The following ZNF341 variants were observed in gnomAD, a reference collection of about 807,000 sequenced individuals.
The protein encoded by ZNF341 is zinc finger protein 341.
ZNF341 carries 52 observed loss-of-function variants against 87.7 expected under a neutral mutation model. That is an observed-to-expected ratio of 0.59 (90% CI 0.47 to 0.75). The LOEUF (loss-of-function observed/expected upper bound fraction) is 0.75. ZNF341 is among the 30% of genes least tolerant of loss of function. ZNF341 has a pLI of 0.00. For synonymous variants in ZNF341, 459 were observed against 472.7 expected, an observed-to-expected ratio of 0.97 and a Z score of 0.38; for missense variants, 977 against 1,145.9, an observed-to-expected ratio of 0.85 and a Z score of 2.13.
chr20:33,755,092 G>A (rs1475871783), intron 5 of ZNF341, among the ~76,000 whole-genome samples: 1 of 152,074 alleles, frequency 6.6e-6, no homozygotes, highest in African/African-American at 2.4e-5. Context: ...ACAGGTATGA[G>A]CTACCACGCC....
chr20:33,775,298 C>G (rs2019606299), intron 10 of ZNF341, among the ~76,000 whole-genome samples: 2 of 151,592 alleles, frequency 1.3e-5, no homozygotes, highest in South Asian at 4.2e-4. Context: ...CAACCTTCGC[C>G]TCCCAGGTTC....
chr20:33,750,894 G>A (rs1278129045), intron 4 of ZNF341, among the ~76,000 whole-genome samples: 1 of 152,116 alleles, frequency 6.6e-6, no homozygotes, highest in East Asian at 1.9e-4. Context: ...GCCCACCTTG[G>A]CCTCCCAAAG....
intron 8 of ZNF341, among the ~76,000 whole-genome samples, chr20:33,765,153 C>T (rs530957434): frequency 9.2e-5 from 14 of 152,102 alleles, no homozygotes; most frequent in African/African-American, 2.4e-4. Flanking sequence ...TCAGTAGCCA[C>T]GTGTGGCTCA....
chr20:33,764,567 T>A (rs1255921088), intron 8 of ZNF341, among the ~76,000 whole-genome samples: 108 of 69,484 alleles, frequency 1.6e-3, no homozygotes, highest in East Asian at 8.2e-3. Flanking sequence ...ATATATTTTT[T>A]TTTTTTTTTT....
intron 9 of ZNF341, 124 bp from the exon 10 acceptor site, chr20:33,769,960 G>A (rs141418652): frequency 1.5e-6 from 1 of 648,936 alleles, no homozygotes; most frequent in Non-Finnish European, 2.7e-6. Flanking sequence ...GTAGCAGCAG[G>A]GGGGCAGAGG....
At chr20:33,752,520 G>T (rs940502250) in intron 4 of ZNF341, 1 of 469,110 alleles carries the variant, frequency 2.1e-6, no homozygotes, top group South Asian at 1.9e-5. Context: ...TTTTCTTCTC[G>T]CCACCCTTCT....
rs2019947980 is a variant in ZNF341, at chr20:33,789,381, C to T, written c.1965-137C>T. 2.4e-5 allele frequency: 20 copies of T among 832,052 alleles called. 1 individual carries two copies. In the South Asian group the frequency reaches 2.9e-4, roughly 12 times the overall value. 51.5% of individuals were successfully genotyped at this position (832,052 alleles called of 1,614,324 possible). On this transcript the variant is annotated intron_variant, in intron 13 of 14. Transcript: ENST00000375200. ...TTTATCCTGTCCTGGGCCCTGCCTG[C>T]CTCACTTCCCACCCTACCTCCTTGC...
rs150747373 is a variant in ZNF341 at position 33,743,275 on chromosome 20, C to T, written c.143-1828C>T. ...TCGAACTCGTGACCCTCAGGTGATC[C>T]GCCTGCCTCAGCCTCACAAACTGCT... On this transcript the variant is annotated intron_variant, in intron 2 of 14. Transcript: ENST00000375200. Among the ~76,000 whole-genome samples, 473 of 150,818 alleles carry T rather than the reference C, an allele frequency of 3.1e-3. 3 individuals are homozygous for T. The highest frequency in any genetic ancestry group is 0.014 in the Middle Eastern group (4 of 282).
At chr20:33,789,420 TG>T in intron 13 of ZNF341, 97 bp from the exon 14 acceptor site, 1 of 1,264,100 alleles carries the variant, frequency 7.9e-7, no homozygotes, top group Non-Finnish European at 1.2e-6. Context: ...GCCCTTAGGG[TG>T]GACAAGGCTG....
In ZNF341 at chr20:33,767,848, G is replaced by A. The variant is rs114589927; in HGVS notation, c.1413+807G>A. Among the ~76,000 whole-genome samples the A allele has an allele frequency of 5.9e-3, 901 of 152,274 alleles. 10 individuals carry two copies. The highest frequency in any genetic ancestry group is 0.02 in the African/African-American group (841 of 41,562). On this transcript the variant is annotated intron_variant, in intron 9 of 14. Coordinates refer to ENST00000375200, the MANE Select transcript of ZNF341 (RefSeq NM_001282933.2). ...GGCAGCGTTGGGCTTATATAGAGCA[G>A]GTCAAATATGTCACCATAGACTCAG...
At chr20:33,749,157 G>A (rs1355730218) in intron 4 of ZNF341, 85 bp downstream of exon 4, 9 of 1,513,606 alleles carry the variant, frequency 5.9e-6, no homozygotes, top group Non-Finnish European at 6.2e-6. Flanking sequence ...TAGAATAAAG[G>A]GGGCCTGGCC....
chr20:33,776,634 CCTTGTTCTCCCA>C, intron 10 of ZNF341, among the ~76,000 whole-genome samples: 1 of 152,296 alleles, frequency 6.6e-6, no homozygotes, highest in African/African-American at 2.4e-5. Context: ...GGTCCACCTG[CCTTGTTCTCCCA>C]AAGGTCTGGG....
In ZNF341 at chr20:33,753,299, C is replaced by T; in HGVS notation, c.617C>T (p.Pro206Leu). ...PPPPPPQSLG[P>L]PGRPNPGGNG... The stretch of plus-strand genomic sequence containing the variant: ...CCACCTCCACCCCAGAGCCTGGGCC[C>T]CCCTGGGCGTCCCAACCCTGGTGGG... Residue 206 changes from proline to leucine, a missense_variant, in exon 5 of 15, where the codon CCC (proline) becomes CTC (leucine). Pro to Leu is a moderately conservative substitution (Grantham distance 98). Coordinates refer to ENST00000375200, the MANE Select transcript of ZNF341 (RefSeq NM_001282933.2). The T allele has an allele frequency of 5.0e-6, 8 of 1,612,220 alleles. No individual in the cohort carries two copies. Among genetic ancestry groups the T allele is most frequent in the Non-Finnish European group, 6.8e-6 (8 of 1,179,340 alleles).
rs1397544850 is a variant in ZNF341, at chr20:33,732,210, G to C, written c.31+158G>C. Among the ~76,000 whole-genome samples the C allele has an allele frequency of 6.7e-6, 1 of 149,494 alleles. No individual in the cohort carries two copies. The highest frequency in any genetic ancestry group is 2.0e-4 in the East Asian group (1 of 5,118). On this transcript the variant is annotated intron_variant, in intron 1 of 14. Transcript: ENST00000375200. This position sits in a 1 kb window ranked among gnomAD's most constrained non-coding sequence, Gnocchi z 4.5. ...CGGGAGGGGCGCGGGCGGGAACAGC[G>C]CGGGAGCCGAGGCCCGGCGGGGGAG...
At chr20:33,777,527 G>T (rs1184285111) in intron 10 of ZNF341, among the ~76,000 whole-genome samples, 1 of 150,874 alleles carries the variant, frequency 6.6e-6, no homozygotes, top group African/African-American at 2.4e-5. Flanking sequence ...CCAGTTACTT[G>T]GGAGGCTGAG....
At chr20:33,748,758 G>A (rs1444390997) in intron 3 of ZNF341, among the ~76,000 whole-genome samples, 165 bp from the exon 4 acceptor site, 2 of 152,182 alleles carry the variant, frequency 1.3e-5, no homozygotes, top group South Asian at 2.1e-4. Flanking sequence ...AGCAGAGGTA[G>A]AAATGGAATC....
At chr20:33,774,250 C>T (rs1391684313) in intron 10 of ZNF341, among the ~76,000 whole-genome samples, 1 of 152,100 alleles carries the variant, frequency 6.6e-6, no homozygotes, top group African/African-American at 2.4e-5. Context: ...CAAGATTGTG[C>T]CACTGCACTC....
intron 4 of ZNF341, chr20:33,752,431 G>A: frequency 1.6e-6 from 1 of 612,520 alleles, no homozygotes. Context: ...CACGCTTCTT[G>A]AAGCCACTCC....
At chr20:33,738,678 G>GGTA (rs1477870652) in intron 1 of ZNF341, among the ~76,000 whole-genome samples, 1 of 152,180 alleles carries the variant, frequency 6.6e-6, no homozygotes, top group African/African-American at 2.4e-5. Context: ...ACTGGAAGGT[G>GGTA]GTAGAAGAGA....
Sources: gnomAD v4.1 joint callset for allele counts (sites outside exome capture counted in the v4.1 genomes callset) on GRCh38, gnomAD v4.1.1 for gene constraint, Gnocchi (gnomAD v3.1) non-coding constraint, MANE v1.5 for transcripts, NCBI Gene and HGNC (gene_info 2026-07-23, HGNC 2026-07-21) for gene names.